SLC9A9: variants seen among roughly 807,000 people sequenced by gnomAD.
SLC9A9 encodes the protein sodium/hydrogen exchanger 9.
In SLC9A9, 62 loss-of-function variants were observed where a neutral mutation model predicts 77.8. That is an observed-to-expected ratio of 0.80 (90% confidence interval 0.65 to 0.98). The LOEUF (loss-of-function observed/expected upper bound fraction) is 0.98, where lower values mean the gene tolerates loss of function less well. SLC9A9 is among the 50% of genes least tolerant of loss of function. The pLI is 0.00. For missense variants in SLC9A9, 775 were observed against 774.9 expected (o/e 1.00, Z 0.00); for synonymous variants, 320 against 283.5 (o/e 1.13, Z -1.29).
chr3:143,298,440 G>A (rs1052168334), intron 14 of SLC9A9, among the ~76,000 whole-genome samples: 1 of 152,184 alleles, frequency 6.6e-6, no homozygotes, highest in Admixed American at 6.5e-5. Context: ...TACTGGGGAG[G>A]ATGTGGCTCA....
At chr3:143,634,340 G>A (rs1159884042) in intron 6 of SLC9A9, among the ~76,000 whole-genome samples, 1 of 151,972 alleles carries the variant, frequency 6.6e-6, no homozygotes, top group Non-Finnish European at 1.5e-5. Context: ...CCAACTATCT[G>A]TCATTCATTT....
At chr3:143,681,749 C>A (rs1427394279) in intron 5 of SLC9A9, among the ~76,000 whole-genome samples, 1 of 152,202 alleles carries the variant, frequency 6.6e-6, no homozygotes, top group Non-Finnish European at 1.5e-5. Flanking sequence ...GTGCTTTTAT[C>A]TTTCTTTGTC....
chr3:143,705,304 T>C (rs1933940416), intron 4 of SLC9A9, among the ~76,000 whole-genome samples: 1 of 151,698 alleles, frequency 6.6e-6, no homozygotes, highest in Admixed American at 6.6e-5. Flanking sequence ...GGAAGGGTAG[T>C]GGGGGTGTGG....
chr3:143,762,734 A>G (rs1229756965), intron 4 of SLC9A9, among the ~76,000 whole-genome samples: 1 of 152,188 alleles, frequency 6.6e-6, no homozygotes, highest in Non-Finnish European at 1.5e-5. Flanking sequence ...AGACGAATAT[A>G]CTGAGGCCTG....
chr3:143,420,608 T>A (rs969895074), intron 12 of SLC9A9, among the ~76,000 whole-genome samples: 9 of 150,440 alleles, frequency 6.0e-5, no homozygotes, highest in Non-Finnish European at 1.2e-4. Flanking sequence ...TTATTATTAC[T>A]ATTATTATTA....
chr3:143,441,006 T>C (rs1307030665), intron 12 of SLC9A9, among the ~76,000 whole-genome samples: 1 of 152,238 alleles, frequency 6.6e-6, no homozygotes, highest in African/African-American at 2.4e-5. Flanking sequence ...AGGCTTACTC[T>C]TCTCTAGGAT....
chr3:143,623,230 C>A (rs761725292), intron 6 of SLC9A9, among the ~76,000 whole-genome samples: 2 of 152,096 alleles, frequency 1.3e-5, no homozygotes, highest in Non-Finnish European at 2.9e-5. Context: ...ACAAGGATAT[C>A]CAGGAATTGA....
At position 143,772,176 on chromosome 3, in the gene SLC9A9, G is replaced by C. The variant is rs182640997; in HGVS notation, c.533+22825C>G. Reference sequence around the variant, plus strand: ...TGCTGCCAGGACAAGCAAGGGTGTAGAAGTGAAGTGTGTGGACACATGCTT... The same window carrying C: ...TGCTGCCAGGACAAGCAAGGGTGTACAAGTGAAGTGTGTGGACACATGCTT... On this transcript the variant is annotated intron_variant, in intron 4 of 15. Coordinates refer to ENST00000316549, the MANE Select transcript of SLC9A9 (RefSeq NM_173653.4). Among the ~76,000 whole-genome samples the C allele has an allele frequency of 4.6e-5, 7 of 152,250 alleles. No homozygotes were observed. The East Asian group carries it at 1.4e-3, about 29-fold the overall frequency.
chr3:143,448,674 A>G (rs2034891511), intron 12 of SLC9A9, among the ~76,000 whole-genome samples: 1 of 151,178 alleles, frequency 6.6e-6, no homozygotes, highest in Non-Finnish European at 1.5e-5. Context: ...TTGACTTTCT[A>G]ATTCCATTTT....
At chr3:143,807,876 G>A (rs1242649142) in intron 2 of SLC9A9, among the ~76,000 whole-genome samples, 2 of 152,234 alleles carry the variant, frequency 1.3e-5, no homozygotes, top group Non-Finnish European at 2.9e-5. Context: ...GGTGGAATTG[G>A]GCAGTGCTGG....
intron 8 of SLC9A9, among the ~76,000 whole-genome samples, chr3:143,558,774 T>C (rs982932937): frequency 6.6e-6 from 1 of 152,062 alleles, no homozygotes; most frequent in African/African-American, 2.4e-5. Context: ...GACTTTTGGG[T>C]TAATACTGGA....
At chr3:143,469,394 A>C (rs1023403367) in intron 11 of SLC9A9, among the ~76,000 whole-genome samples, 7 of 152,246 alleles carry the variant, frequency 4.6e-5, no homozygotes, top group African/African-American at 1.7e-4. Flanking sequence ...CACCTAGTAT[A>C]AGCCAAAGAG....
At chr3:143,268,810 C>T (rs968312753) in intron 15 of SLC9A9, 65 bp downstream of exon 15, 14 of 1,249,598 alleles carry the variant, frequency 1.1e-5, no homozygotes, top group African/African-American at 6.0e-5. Flanking sequence ...CTGGGCTCAT[C>T]GATATTCACC....
intron 5 of SLC9A9, among the ~76,000 whole-genome samples, chr3:143,689,859 C>T (rs994344631): frequency 4.0e-5 from 6 of 151,768 alleles, no homozygotes; most frequent in South Asian, 2.1e-4. Context: ...AAGGGTAAAC[C>T]GAAAACCAAC....
chr3:143,600,869 C>T (rs1425955590), intron 6 of SLC9A9, among the ~76,000 whole-genome samples: 4 of 152,278 alleles, frequency 2.6e-5, no homozygotes, highest in Non-Finnish European at 4.4e-5. Flanking sequence ...TGAGAGGAGA[C>T]CCACTGGGCT....
rs1344818548 is a variant in SLC9A9 at position 143,523,183 on chromosome 3, C to T, written c.1090-27735G>A. Among the ~76,000 whole-genome samples, 4 of 152,084 alleles carry T rather than the reference C, an allele frequency of 2.6e-5. No individual in the cohort carries two copies. The East Asian group carries it at 7.7e-4, about 29-fold the overall frequency. On this transcript the variant is annotated intron_variant, in intron 9 of 15. Transcript: ENST00000316549. Reference sequence around the variant, plus strand: ...GTCCATTTGTCTTGGGAGTGACTAACAAAAGGCCAGCATTGAACTTTTTCG... The same window carrying T: ...GTCCATTTGTCTTGGGAGTGACTAATAAAAGGCCAGCATTGAACTTTTTCG...
intron 6 of SLC9A9, among the ~76,000 whole-genome samples, chr3:143,583,723 A>G (rs1576591555): frequency 6.6e-6 from 1 of 152,256 alleles, no homozygotes; most frequent in East Asian, 1.9e-4. Flanking sequence ...TCACCCAGTA[A>G]GAACTAGATA....
At chr3:143,594,339 A>G in intron 6 of SLC9A9, among the ~76,000 whole-genome samples, 1 of 152,332 alleles carries the variant, frequency 6.6e-6, no homozygotes, top group African/African-American at 2.4e-5. Flanking sequence ...CTACATTGCA[A>G]TGTTAATAGC....
At chr3:143,313,659 G>A (rs1208247278) in intron 14 of SLC9A9, among the ~76,000 whole-genome samples, 3 of 152,150 alleles carry the variant, frequency 2.0e-5, no homozygotes, top group Non-Finnish European at 2.9e-5. Context: ...ACCATGTCCC[G>A]AGAGCGGTGG....
Sources: gnomAD v4.1 joint callset for allele counts (sites outside exome capture counted in the v4.1 genomes callset) on GRCh38, gnomAD v4.1.1 for gene constraint, MANE v1.5 for transcripts, NCBI Gene and HGNC (gene_info 2026-07-23, HGNC 2026-07-21) for gene names.